The following NRXN1 variants were observed in gnomAD, a reference collection of about 807,000 sequenced individuals.
NRXN1 encodes neurexin-1.
A neutral mutation model predicts 150.9 loss-of-function variants in NRXN1; 39 were observed. The ratio of observed to expected loss-of-function variants is 0.26; its 90% CI spans 0.20 to 0.34. The LOEUF is 0.34. Ranked by LOEUF, NRXN1 falls within the 10% of genes least tolerant of loss-of-function variation. The probability of loss-of-function intolerance (pLI) is 1.00; values close to 1 mark genes in which losing one functional copy is unlikely to be tolerated. For missense variants in NRXN1, 1,815 were observed against 1,949.9 expected (o/e 0.93, Z 1.30); for synonymous variants, 924 against 757.0 (o/e 1.22, Z -3.62).
intron 5 of NRXN1, among the ~76,000 whole-genome samples, chr2:50,826,769 G>C (rs977049184): frequency 2.0e-5 from 3 of 152,162 alleles, no homozygotes; most frequent in Admixed American, 6.5e-5. Context: ...TGAGAAGTTT[G>C]AGATAGCTCT....
At chr2:50,772,704 T>G (rs190134337) in intron 5 of NRXN1, among the ~76,000 whole-genome samples, 2,012 of 152,280 alleles carry the variant, frequency 0.013, 22 homozygotes, top group Non-Finnish European at 0.02. Context: ...ACTGGTTGAA[T>G]TTTTTATATC....
intron 5 of NRXN1, among the ~76,000 whole-genome samples, chr2:50,856,467 G>C (rs1675288394): frequency 6.6e-6 from 1 of 151,920 alleles, no homozygotes; most frequent in Admixed American, 6.6e-5. Context: ...TTTTCATTTA[G>C]TGTATTCTAT....
At chr2:50,837,068 T>G (rs147628212) in intron 5 of NRXN1, among the ~76,000 whole-genome samples, 149 of 152,224 alleles carry the variant, frequency 9.8e-4, no homozygotes, top group African/African-American at 3.5e-3. Flanking sequence ...TAGACTTTGC[T>G]CTTTAAAATA....
At chr2:51,005,094 T>G (rs575624794) in intron 2 of NRXN1, among the ~76,000 whole-genome samples, 1 of 152,108 alleles carries the variant, frequency 6.6e-6, no homozygotes, top group Admixed American at 6.6e-5. Flanking sequence ...CTGCAACTCT[T>G]GATTTCCTCT....
At chr2:50,578,950 T>G (rs1199680491) in intron 8 of NRXN1, among the ~76,000 whole-genome samples, 1 of 152,140 alleles carries the variant, frequency 6.6e-6, no homozygotes, top group Non-Finnish European at 1.5e-5. Flanking sequence ...GGGTTAGACT[T>G]CAATTAGATA....
intron 18 of NRXN1, among the ~76,000 whole-genome samples, chr2:50,161,159 G>C (rs917613779): frequency 6.6e-6 from 1 of 152,096 alleles, no homozygotes; most frequent in Non-Finnish European, 1.5e-5. Context: ...GTACTTTACA[G>C]CTAATATCAC....
rs559008184 is a variant in NRXN1, at chr2:50,554,665, GAC to G, written c.1321-1642_1321-1641del. 7.9e-5 allele frequency among the ~76,000 whole-genome samples: 12 copies of G among 152,148 alleles called. No individual in the cohort carries two copies. In the South Asian group the frequency reaches 1.9e-3, roughly 24 times the overall value. On this transcript the variant is annotated intron_variant, in intron 8 of 22. Transcript: ENST00000401669. ...AAAATCAATGCTTTATCATCTAATA[GAC>G]ACAGATTTTAATTCTAAATTTATCC...
intron 5 of NRXN1, among the ~76,000 whole-genome samples, chr2:50,678,323 C>A (rs887288040): frequency 6.6e-6 from 1 of 152,124 alleles, no homozygotes; most frequent in Non-Finnish European, 1.5e-5. Flanking sequence ...CAAAAAACTT[C>A]CCCTTTACAG....
chr2:50,020,433 A>T (rs1687394763), intron 21 of NRXN1, among the ~76,000 whole-genome samples: 1 of 152,250 alleles, frequency 6.6e-6, no homozygotes, highest in Non-Finnish European at 1.5e-5. Flanking sequence ...ACAAGTTTTC[A>T]AACATAATTC....
chr2:50,514,814 T>C (rs1358848965), intron 12 of NRXN1, among the ~76,000 whole-genome samples: 1 of 152,166 alleles, frequency 6.6e-6, no homozygotes, highest in East Asian at 1.9e-4. Flanking sequence ...TATTAAAGAA[T>C]AACAGAAACA....
chr2:50,869,685 T>G (rs919168231), intron 5 of NRXN1, among the ~76,000 whole-genome samples: 1 of 151,818 alleles, frequency 6.6e-6, no homozygotes, highest in Non-Finnish European at 1.5e-5. Context: ...TTTAATTATT[T>G]AATTTGTCTA....
intron 5 of NRXN1, among the ~76,000 whole-genome samples, chr2:50,698,254 C>T (rs1693215994): frequency 1.3e-5 from 2 of 152,178 alleles, no homozygotes; most frequent in Admixed American, 1.3e-4. Context: ...ATTTGGTAGT[C>T]CCTGAGACTT....
chr2:50,304,137 A>T (rs756491492), intron 17 of NRXN1, among the ~76,000 whole-genome samples: 1 of 152,214 alleles, frequency 6.6e-6, no homozygotes, highest in Non-Finnish European at 1.5e-5. Flanking sequence ...AGTTACACTC[A>T]TCATAACAAC....
At chr2:50,509,465 A>T (rs2105025179) in intron 12 of NRXN1, among the ~76,000 whole-genome samples, 1 of 152,326 alleles carries the variant, frequency 6.6e-6, no homozygotes, top group East Asian at 1.9e-4. Context: ...ACATCATTTT[A>T]GGACCTGTCT....
intron 17 of NRXN1, among the ~76,000 whole-genome samples, chr2:50,351,972 C>T (rs1297242155): frequency 6.6e-6 from 1 of 152,098 alleles, no homozygotes; most frequent in East Asian, 1.9e-4. Context: ...AGAAGTTGGT[C>T]TTGGTGTTGA....
At chr2:50,631,109 G>A (rs1464191860) in intron 5 of NRXN1, 1 of 451,320 alleles carries the variant, frequency 2.2e-6, no homozygotes, top group East Asian at 7.2e-5. Context: ...TTACTTTCAA[G>A]GGAGAGTAGT....
At chr2:50,079,522 T>G (rs181731243) in intron 19 of NRXN1, among the ~76,000 whole-genome samples, 4 of 152,236 alleles carry the variant, frequency 2.6e-5, no homozygotes, top group African/African-American at 9.6e-5. Context: ...TTTTAAATTA[T>G]GAACTTTGAA....
chr2:50,132,307 T>A (rs1240673536), intron 18 of NRXN1, among the ~76,000 whole-genome samples: 1 of 11,474 alleles, frequency 8.7e-5, no homozygotes, highest in African/African-American at 1.6e-4. Flanking sequence ...CCCAAAACTC[T>A]TTTTTTTTTT....
chr2:50,545,509 A>G (rs2093474730), intron 9 of NRXN1, among the ~76,000 whole-genome samples: 1 of 152,072 alleles, frequency 6.6e-6, no homozygotes, highest in South Asian at 2.1e-4. Flanking sequence ...AGCCCAATGA[A>G]GAGATTTGGT....
Sources: allele counts gnomAD v4.1 joint callset (sites outside exome capture counted in the v4.1 genomes callset), GRCh38; gene constraint gnomAD v4.1.1; transcripts MANE v1.5; gene names NCBI Gene and HGNC (gene_info 2026-07-23, HGNC 2026-07-21).